Variants in NAV1 observed in about 807,000 individuals in gnomAD.
The protein encoded by NAV1 is neuron navigator 1.
NAV1 carries 18 observed loss-of-function variants against 175.2 expected under a neutral mutation model. The ratio of observed to expected loss-of-function variants is 0.10; its 90% CI spans 0.07 to 0.15. The LOEUF is 0.15. NAV1 is among the 10% of genes least tolerant of loss of function. The pLI, the probability that NAV1 is intolerant of heterozygous loss-of-function variation, is 1.00. For synonymous variants in NAV1, 897 were observed against 978.7 expected, an observed-to-expected ratio of 0.92 and a Z score of 1.56; for missense variants, 1,731 against 2,436.6, an observed-to-expected ratio of 0.71 and a Z score of 6.10.
upstream of NAV1, among the ~76,000 whole-genome samples, chr1:201,644,122 T>C (rs1165968660): frequency 6.6e-6 from 1 of 152,186 alleles, no homozygotes; most frequent in Non-Finnish European, 1.5e-5. Flanking sequence ...ACTTGGTTAC[T>C]GACTTCACCA....
chr1:201,756,442 C>T (rs1674467943), intron 3 of NAV1, among the ~76,000 whole-genome samples: 1 of 152,110 alleles, frequency 6.6e-6, no homozygotes. Flanking sequence ...TTTTATGTCT[C>T]CCTACAAAAT....
intron 2 of NAV1, among the ~76,000 whole-genome samples, chr1:201,611,521 G>C (rs537568353): frequency 6.6e-6 from 1 of 152,310 alleles, no homozygotes; most frequent in Non-Finnish European, 1.5e-5. Context: ...TGTGTGGTGT[G>C]GGGGAAGATA....
intron 1 of NAV1, among the ~76,000 whole-genome samples, chr1:201,687,147 A>G (rs1670716142): frequency 1.3e-5 from 2 of 152,242 alleles, no homozygotes; most frequent in Admixed American, 6.5e-5. Flanking sequence ...TGGAGTGACT[A>G]ACTAGTGGCT....
intron 2 of NAV1, among the ~76,000 whole-genome samples, chr1:201,630,367 G>A (rs1380451878): frequency 1.3e-5 from 2 of 152,218 alleles, no homozygotes; most frequent in African/African-American, 4.8e-5. Context: ...ACCTGAGATT[G>A]TCCAGAGGGC....
chr1:201,775,576 C>T (rs1015226432), intron 3 of NAV1, among the ~76,000 whole-genome samples: 1 of 152,152 alleles, frequency 6.6e-6, no homozygotes, highest in African/African-American at 2.4e-5. Context: ...AGGTCTATAA[C>T]ACGAAGTCCC....
exon 30 of NAV1, chr1:201,825,481 G>A: frequency 6.6e-6 from 1 of 152,144 alleles, no homozygotes; most frequent in Non-Finnish European, 1.5e-5. Context: ...TAGGGCTCCA[G>A]TATCCCAGGA....
rs556450592 is a variant in NAV1, at chr1:201,720,250, C to T, written c.1226+1495C>T. Among the ~76,000 whole-genome samples the T allele has an allele frequency of 3.3e-5, 5 of 152,356 alleles. No individual in the cohort carries two copies. In the East Asian group the frequency reaches 9.6e-4, roughly 29 times the overall value. On this transcript the variant is annotated intron_variant, in intron 3 of 29. Coordinates refer to ENST00000367296, the Ensembl canonical transcript of NAV1. ...GCCTGAGGAAGTGTCAGGTCACTGC[C>T]CTCCTCTGAGAATCCCAGGAGGGTG...
rs186104147 is a variant in NAV1, at chr1:201,786,508, C to A, written c.2926C>A (p.Gln976Lys). ...TGGTGGGCTGCCTGAATCCGATGAC[C>A]AGTCAGAGCTGCCTTCTCCCCCTGC... Residue 976 changes from glutamine (Q) to lysine (K), a missense_variant, in exon 9 of 30, where the codon CAG (glutamine) becomes AAG (lysine). Coordinates refer to ENST00000367296, the Ensembl canonical transcript of NAV1. 5.7e-4 allele frequency: 927 copies of A among 1,614,088 alleles called. 7 individuals are homozygous for A. The East Asian group carries it at 0.016, about 28-fold the overall frequency.
intron 1 of NAV1, among the ~76,000 whole-genome samples, chr1:201,568,792 G>C (rs1006378722): frequency 2.0e-5 from 3 of 152,142 alleles, no homozygotes; most frequent in Non-Finnish European, 4.4e-5. Context: ...AGGGTCTCTC[G>C]GTCTTCAGGC....
At chr1:201,572,489 C>T (rs1235214972) in intron 1 of NAV1, among the ~76,000 whole-genome samples, 1 of 151,710 alleles carries the variant, frequency 6.6e-6, no homozygotes, top group African/African-American at 2.4e-5. Flanking sequence ...CTGCCTCAGC[C>T]TCCCGAGTAG....
intron 16 of NAV1, 198 bp downstream of exon 20, chr1:201,803,912 C>T: frequency 3.2e-6 from 2 of 630,672 alleles, no homozygotes. Flanking sequence ...CCCAAGGCCA[C>T]CCCTCTGACC....
chr1:201,704,101 G>A (rs1482322245), intron 1 of NAV1, among the ~76,000 whole-genome samples: 1 of 152,172 alleles, frequency 6.6e-6, no homozygotes, highest in East Asian at 1.9e-4. Context: ...GTTAATCCCA[G>A]AAGCCAGGCC....
intron 1 of NAV1, among the ~76,000 whole-genome samples, chr1:201,667,005 T>C (rs888639511): frequency 6.6e-6 from 1 of 152,144 alleles, no homozygotes; most frequent in Non-Finnish European, 1.5e-5. Context: ...TCAAGACACC[T>C]CTGGGTCAGA....
Position 201,629,486 on chromosome 1 carries a change from G to A in NAV1, c.-18G>A, listed in dbSNP as rs576686713. The stretch of plus-strand genomic sequence containing the variant: ...CTATGCTGAGCCCCTCCATGAGACT[G>A]AGGAGAGCTTCTCCTGCATGGGTAA... On this transcript the variant is annotated 5_prime_UTR_variant, in exon 2 of 30. Transcript: ENST00000367302. 3.6e-5 allele frequency: 47 copies of A among 1,304,124 alleles called. No individual in the cohort carries two copies. In the African/African-American group the frequency reaches 6.7e-4, roughly 19 times the overall value. 80.8% of individuals were successfully genotyped at this position (1,304,124 alleles called of 1,614,324 possible). A position where few individuals can be genotyped will look rare whatever the true frequency, so the allele number is the denominator to read the frequency against.
At chr1:201,642,089 T>G (rs867211940) in intron 2 of NAV1, among the ~76,000 whole-genome samples, 3 of 145,662 alleles carry the variant, frequency 2.1e-5, no homozygotes, top group Middle Eastern at 3.4e-3. Flanking sequence ...CCTCCCTCCC[T>G]CCTTCCTTCC....
At chr1:201,579,742 C>T (rs1666794759) in intron 1 of NAV1, among the ~76,000 whole-genome samples, 1 of 152,060 alleles carries the variant, frequency 6.6e-6, no homozygotes, top group Non-Finnish European at 1.5e-5. Flanking sequence ...GTAAGTACAA[C>T]TATTGGGAGG....
At chr1:201,802,755 G>C (rs1044493992) in intron 15 of NAV1, among the ~76,000 whole-genome samples, 12 of 151,818 alleles carry the variant, frequency 7.9e-5, no homozygotes, top group African/African-American at 2.9e-4. Flanking sequence ...CTCCAGCCTG[G>C]GTGACAGAGC....
chr1:201,592,489 G>A (rs1386495997), intron 2 of NAV1, among the ~76,000 whole-genome samples: 4 of 152,170 alleles, frequency 2.6e-5, no homozygotes, highest in Non-Finnish European at 4.4e-5. Context: ...GCAGTGCTGC[G>A]GCCCTAACCA....
chr1:201,647,425 C>T (rs1669010244), upstream of NAV1, among the ~76,000 whole-genome samples: 1 of 152,190 alleles, frequency 6.6e-6, no homozygotes, highest in African/African-American at 2.4e-5. Flanking sequence ...TTGACACAGG[C>T]CTTTACAGTT....
Sources: gnomAD v4.1 joint callset for allele counts (sites outside exome capture counted in the v4.1 genomes callset) on GRCh38, gnomAD v4.1.1 for gene constraint, MANE v1.5 for transcripts, NCBI Gene and HGNC (gene_info 2026-07-23, HGNC 2026-07-21) for gene names.